ARFGEF3: variants seen among roughly 807,000 people sequenced by gnomAD.
ARFGEF3 encodes ARFGEF family member 3.
ARFGEF3 carries 96 observed loss-of-function variants against 221.7 expected under a neutral mutation model. The observed-to-expected ratio is 0.43, with a 90% CI of 0.37 to 0.51. The LOEUF is 0.51. Ranked by LOEUF, ARFGEF3 falls within the 20% of genes least tolerant of loss-of-function variation. The probability of loss-of-function intolerance (pLI) is 0.00; values close to 1 mark genes in which losing one functional copy is unlikely to be tolerated. For missense variants in ARFGEF3, 2,410 were observed against 2,789.9 expected (o/e 0.86, Z 3.07); for synonymous variants, 1,145 against 1,126.8 (o/e 1.02, Z -0.32).
chr6:138,198,482 T>C (rs1051976628), intron 2 of ARFGEF3, among the ~76,000 whole-genome samples: 28 of 152,236 alleles, frequency 1.8e-4, no homozygotes, highest in African/African-American at 6.8e-4. Flanking sequence ...TCAATGGAAT[T>C]GGCCCTGGCA....
intron 5 of ARFGEF3, among the ~76,000 whole-genome samples, chr6:138,230,781 GGATT>G (rs1186549473): frequency 9.2e-5 from 14 of 152,316 alleles, no homozygotes; most frequent in African/African-American, 3.4e-4. Context: ...TTTAAAATAT[GGATT>G]GATACAGATG....
intron 8 of ARFGEF3, among the ~76,000 whole-genome samples, chr6:138,253,314 T>TA (rs35531265): frequency 0.2 from 29,681 of 147,114 alleles, 4,436 homozygotes; most frequent in African/African-American, 0.42. Flanking sequence ...GTTTATTAGT[T>TA]AAAAAAAAAA....
At chr6:138,232,794 TCTC>T (rs1319240670) in intron 5 of ARFGEF3, among the ~76,000 whole-genome samples, 3 of 152,282 alleles carry the variant, frequency 2.0e-5, no homozygotes, top group Non-Finnish European at 4.4e-5. Context: ...TTACATGTAT[TCTC>T]CTTTAATTTC....
At position 138,319,880 on chromosome 6, in the gene ARFGEF3, G is replaced by A; in HGVS notation, c.4651+1G>A. 1 of 1,613,394 alleles carries A rather than the reference G, an allele frequency of 6.2e-7. No homozygotes were observed. Among genetic ancestry groups the A allele is most frequent in the Non-Finnish European group, 8.5e-7 (1 of 1,179,608 alleles). On this transcript the variant is annotated splice_donor_variant, in intron 28 of 33. Coordinates refer to ENST00000251691, the MANE Select transcript of ARFGEF3 (RefSeq NM_020340.5). LOFTEE classifies it high-confidence loss of function. ...CACATTCAAAGCTTTCTACATTCAG[G>A]TATCTGAAGTGCCAGAGCAGTTCAT...
In ARFGEF3 at chr6:138,336,662, C is replaced by T. The variant is rs113444453; in HGVS notation, c.*176C>T. On this transcript the variant is annotated 3_prime_UTR_variant, in exon 34 of 34. Transcript: ENST00000251691. ...ACCACTGATCAGCATTGGGGCCATA[C>T]TAAGGTTTGTATCTAGATGACACAA... 4.5e-5 allele frequency: 21 copies of T among 468,502 alleles called. No individual in the cohort carries two copies. Among genetic ancestry groups the T allele is most frequent in the Middle Eastern group, 1.1e-3 (2 of 1,820 alleles). 29.0% of individuals were successfully genotyped at this position (468,502 alleles called of 1,614,324 possible).
chr6:138,198,436 A>C (rs1037762788), intron 2 of ARFGEF3, among the ~76,000 whole-genome samples: 1 of 152,260 alleles, frequency 6.6e-6, no homozygotes, highest in Non-Finnish European at 1.5e-5. Flanking sequence ...CACTGTAGAG[A>C]AAATCAATTA....
At chr6:138,327,072 CA>C (rs2114688871) in intron 31 of ARFGEF3, among the ~76,000 whole-genome samples, 1 of 152,206 alleles carries the variant, frequency 6.6e-6, no homozygotes, top group Admixed American at 6.5e-5. Context: ...GGACACATGG[CA>C]AAGAACAACA....
At chr6:138,324,283 A>G in intron 31 of ARFGEF3, 129 bp downstream of exon 31, 1 of 1,047,020 alleles carries the variant, frequency 9.6e-7, no homozygotes, top group Middle Eastern at 2.3e-4. Flanking sequence ...TGTAGCTCCC[A>G]ACTCTTGCCA....
At chr6:138,185,932 A>C (rs77551560) in intron 2 of ARFGEF3, among the ~76,000 whole-genome samples, 2 of 152,196 alleles carry the variant, frequency 1.3e-5, no homozygotes, top group Non-Finnish European at 2.9e-5. Flanking sequence ...TACAACAAGT[A>C]CAATAGGTAC....
At chr6:138,264,755 A>G (rs772747682) in intron 12 of ARFGEF3, among the ~76,000 whole-genome samples, 21 of 152,198 alleles carry the variant, frequency 1.4e-4, no homozygotes, top group Non-Finnish European at 2.9e-4. Context: ...AAAAAATTGT[A>G]GCCCAGTTAC....
At chr6:138,279,216 C>T (rs1334557074) in intron 13 of ARFGEF3, among the ~76,000 whole-genome samples, 1 of 151,984 alleles carries the variant, frequency 6.6e-6, no homozygotes, top group Non-Finnish European at 1.5e-5. Context: ...CAGGGTCTCG[C>T]TATGTTGCCC....
Position 138,311,394 on chromosome 6 carries a change from G to A in ARFGEF3, c.4097-13G>A, listed in dbSNP as rs370654000. On this transcript the variant is annotated splice_polypyrimidine_tract_variant and intron_variant, in intron 24 of 33. Coordinates refer to ENST00000251691, the MANE Select transcript of ARFGEF3 (RefSeq NM_020340.5). ...GTAACACTGTTGGTCTCTGTCTCCCGTGCCGCCCCTAGGGGAGGTGGACTG... is the reference window on the plus strand; with the variant it reads ...GTAACACTGTTGGTCTCTGTCTCCCATGCCGCCCCTAGGGGAGGTGGACTG... 607 of 1,576,992 alleles carry A rather than the reference G, an allele frequency of 3.8e-4. 5 individuals are homozygous for A. The highest frequency in any genetic ancestry group is 3.5e-3 in the South Asian group (307 of 86,554).
chr6:138,190,433 G>T (rs971386043), intron 2 of ARFGEF3, among the ~76,000 whole-genome samples: 1 of 152,202 alleles, frequency 6.6e-6, no homozygotes, highest in East Asian at 1.9e-4. Context: ...GATGAGCAGC[G>T]TGTGATTCTG....
intron 22 of ARFGEF3, among the ~76,000 whole-genome samples, chr6:138,300,344 T>A (rs1419339530): frequency 1.3e-5 from 2 of 152,214 alleles, no homozygotes; most frequent in South Asian, 2.1e-4. Context: ...ATCATTAACA[T>A]CTAAGATAAG....
intron 22 of ARFGEF3, among the ~76,000 whole-genome samples, chr6:138,301,206 A>G (rs550056560): frequency 6.6e-6 from 1 of 152,364 alleles, no homozygotes; most frequent in Non-Finnish European, 1.5e-5. Flanking sequence ...AAAACAGGAC[A>G]GGACAAAATT....
At position 138,339,207 on chromosome 6, in the gene ARFGEF3, G is replaced by T. The variant is rs1780384109; in HGVS notation, c.*2721G>T. On this transcript the variant is annotated 3_prime_UTR_variant, in exon 34 of 34. Coordinates refer to ENST00000251691, the MANE Select transcript of ARFGEF3 (RefSeq NM_020340.5). ...TCTCTAATGAGTAGGCATTCAGGTG[G>T]TTCTTCCCAGCAGGTGGAGAAGAAA... 6.6e-6 allele frequency: 1 copy of T among 152,280 alleles called. No homozygotes were observed. The highest frequency in any genetic ancestry group is 2.4e-5 in the African/African-American group (1 of 41,444). The allele number at this position is 152,280 out of a possible 1,614,324, so 9.4% of individuals were successfully genotyped here. A position where few individuals can be genotyped will look rare whatever the true frequency, so the allele number is the denominator to read the frequency against.
At position 138,291,586 on chromosome 6, in the gene ARFGEF3, G is replaced by C. The variant is rs1779404287; in HGVS notation, c.3048-147G>C. ...TGCTGTGTGACATGAGAACACAGGA[G>C]GGAAGGACTGACTGTCATCACAGGA... On this transcript the variant is annotated intron_variant, in intron 18 of 33. Transcript: ENST00000251691. The surrounding 1 kb of genome is among the most constrained non-coding windows in gnomAD (Gnocchi z 4.5). 1 of 451,724 alleles carries C rather than the reference G, an allele frequency of 2.2e-6. No individual in the cohort carries two copies. The highest frequency in any genetic ancestry group is 1.1e-4 in the South Asian group (1 of 9,268). 28.0% of individuals were successfully genotyped at this position (451,724 alleles called of 1,614,324 possible).
intron 2 of ARFGEF3, among the ~76,000 whole-genome samples, chr6:138,202,950 T>C (rs1348045949): frequency 1.3e-5 from 2 of 151,872 alleles, no homozygotes; most frequent in African/African-American, 4.8e-5. Context: ...GTGTAGCATC[T>C]CTTCAAAGGC....
intron 31 of ARFGEF3, among the ~76,000 whole-genome samples, chr6:138,325,248 T>C (rs1780107196): frequency 6.6e-6 from 1 of 152,212 alleles, no homozygotes; most frequent in Non-Finnish European, 1.5e-5. Context: ...AAATTCTTAA[T>C]AAAATTTTCT....
Sources: allele counts gnomAD v4.1 joint callset (sites outside exome capture counted in the v4.1 genomes callset), GRCh38; gene constraint gnomAD v4.1.1; non-coding constraint Gnocchi (gnomAD v3.1); transcripts MANE v1.5; gene names NCBI Gene and HGNC (gene_info 2026-07-23, HGNC 2026-07-21).